ELP4: variants seen among roughly 807,000 people sequenced by gnomAD.
ELP4 encodes elongator complex protein 4.
In ELP4, 51 loss-of-function variants were observed where a neutral mutation model predicts 48.9. That is an observed-to-expected ratio of 1.04 (90% CI 0.83 to 1.32). The LOEUF (loss-of-function observed/expected upper bound fraction) is 1.32, where lower values mean the gene tolerates loss of function less well. Among genes scored for constraint, ELP4 ranks in the 40% most tolerant of loss-of-function variants. ELP4 has a pLI of 0.00. For missense variants in ELP4, 519 were observed against 514.6 expected (o/e 1.01, Z -0.08); for synonymous variants, 210 against 189.2 (o/e 1.11, Z -0.90).
intron 2 of ELP4, among the ~76,000 whole-genome samples, chr11:31,526,276 T>TA (rs1956293128): frequency 6.6e-6 from 1 of 152,126 alleles, no homozygotes; most frequent in African/African-American, 2.4e-5. Context: ...TAACTTATCT[T>TA]AAAAATCCCT....
chr11:31,604,680 C>T (rs1339899677), intron 5 of ELP4, among the ~76,000 whole-genome samples: 1 of 151,808 alleles, frequency 6.6e-6, no homozygotes, highest in African/African-American at 2.4e-5. Context: ...ATTTAATAGG[C>T]AAGGCGTTGT....
intron 6 of ELP4, among the ~76,000 whole-genome samples, chr11:31,629,765 T>C (rs1449078552): frequency 1.5e-4 from 3 of 19,400 alleles, no homozygotes; most frequent in African/African-American, 2.5e-4. Context: ...ACTATCTAGA[T>C]TTTTTTTTTT....
chr11:31,774,732 G>A (rs1179465170), intron 9 of ELP4, among the ~76,000 whole-genome samples: 4 of 152,192 alleles, frequency 2.6e-5, no homozygotes, highest in Non-Finnish European at 5.9e-5. Context: ...CTATCTTCAA[G>A]CCACTAAGCC....
chr11:31,735,711 A>T (rs1200715504), intron 9 of ELP4, among the ~76,000 whole-genome samples: 1 of 152,168 alleles, frequency 6.6e-6, no homozygotes, highest in Non-Finnish European at 1.5e-5. Flanking sequence ...ATCATGAGTG[A>T]ACTCCCATTC....
chr11:31,566,155 C>T (rs557435461), intron 3 of ELP4, among the ~76,000 whole-genome samples: 7 of 151,978 alleles, frequency 4.6e-5, no homozygotes, highest in African/African-American at 1.2e-4. Flanking sequence ...CTCAGGAGTT[C>T]GAGACCAGCC....
Position 31,627,112 on chromosome 11 carries a change from C to G in ELP4, c.656C>G (p.Ser219Cys). ...ISSTLKVEPC[S>C]LTPGYTKLLQ... ...TGAACCACTTCTTTTACCAACAGTTCTTTGACCCCTGGCTACACAAAGCTG... is the reference window on the plus strand; with the variant it reads ...TGAACCACTTCTTTTACCAACAGTTGTTTGACCCCTGGCTACACAAAGCTG... Residue 219 changes from serine (S) to cysteine (C), a missense_variant and splice_region_variant, in exon 6 of 10, where the codon TCT becomes TGT. Ser to Cys is a moderately radical substitution (Grantham distance 112). Coordinates refer to ENST00000640961, the MANE Select transcript of ELP4 (RefSeq NM_019040.5). The G allele has an allele frequency of 6.2e-7, 1 of 1,603,326 alleles. No homozygotes were observed. Among genetic ancestry groups the G allele is most frequent in the Non-Finnish European group, 8.5e-7 (1 of 1,172,320 alleles).
chr11:31,710,763 T>C (rs944931784), intron 9 of ELP4, among the ~76,000 whole-genome samples: 1 of 152,056 alleles, frequency 6.6e-6, no homozygotes, highest in Non-Finnish European at 1.5e-5. Context: ...ATGAGAAGAA[T>C]AAGACACAGA....
intron 9 of ELP4, among the ~76,000 whole-genome samples, chr11:31,701,178 T>A (rs1946515178): frequency 6.6e-6 from 1 of 152,180 alleles, no homozygotes; most frequent in Non-Finnish European, 1.5e-5. Context: ...TGCATATATT[T>A]AAGGACTTCA....
intron 9 of ELP4, among the ~76,000 whole-genome samples, chr11:31,693,650 G>A (rs1946330634): frequency 6.6e-6 from 1 of 152,204 alleles, no homozygotes; most frequent in South Asian, 2.1e-4. Context: ...ATAGCAGCAT[G>A]ATTTGTAATC....
chr11:31,614,016 A>G (rs1302734246), intron 5 of ELP4, among the ~76,000 whole-genome samples: 1 of 152,100 alleles, frequency 6.6e-6, no homozygotes, highest in Non-Finnish European at 1.5e-5. Flanking sequence ...TGGCCTGAAC[A>G]CTTGAGTCAT....
chr11:31,534,049 G>C (rs1956456403), intron 2 of ELP4, among the ~76,000 whole-genome samples: 1 of 151,822 alleles, frequency 6.6e-6, no homozygotes, highest in African/African-American at 2.4e-5. Context: ...TGTTAGCCAG[G>C]ATGGTCTCGA....
At chr11:31,713,094 C>T (rs996394355) in intron 9 of ELP4, among the ~76,000 whole-genome samples, 2 of 152,086 alleles carry the variant, frequency 1.3e-5, no homozygotes, top group Non-Finnish European at 2.9e-5. Flanking sequence ...TCAGTCAGTG[C>T]CAGTATTTGC....
chr11:31,679,281 C>CGGTA (rs760744406), intron 9 of ELP4, among the ~76,000 whole-genome samples: 5 of 152,024 alleles, frequency 3.3e-5, no homozygotes, highest in Non-Finnish European at 7.4e-5. Flanking sequence ...AAGACTATAC[C>CGGTA]ACATGTCTTG....
intron 9 of ELP4, among the ~76,000 whole-genome samples, chr11:31,772,985 C>T (rs76473700): frequency 0.022 from 3,278 of 152,346 alleles, 113 homozygotes; most frequent in African/African-American, 0.074. Context: ...GCATATCCCT[C>T]TAGGAAGTTT....
At chr11:31,667,569 A>G (rs1945707313) in intron 9 of ELP4, among the ~76,000 whole-genome samples, 1 of 152,204 alleles carries the variant, frequency 6.6e-6, no homozygotes. Context: ...TTTAACTAAT[A>G]GTTACCAGTG....
At chr11:31,752,142 C>G (rs1947735220) in intron 9 of ELP4, among the ~76,000 whole-genome samples, 1 of 152,070 alleles carries the variant, frequency 6.6e-6, no homozygotes, top group African/African-American at 2.4e-5. Flanking sequence ...TGGAATTTGG[C>G]AGTTTATTCA....
chr11:31,525,795 A>C (rs922303597), intron 2 of ELP4, among the ~76,000 whole-genome samples: 1 of 152,126 alleles, frequency 6.6e-6, no homozygotes, highest in Non-Finnish European at 1.5e-5. Flanking sequence ...GTTTAACTTT[A>C]TGGCCAGCCA....
intron 9 of ELP4, among the ~76,000 whole-genome samples, chr11:31,733,032 G>A (rs1010738853): frequency 5.3e-5 from 8 of 152,048 alleles, no homozygotes; most frequent in Non-Finnish European, 1.2e-4. Flanking sequence ...AGGAAACAGA[G>A]GACTTGAACA....
At chr11:31,707,852 C>A (rs147745630) in intron 9 of ELP4, among the ~76,000 whole-genome samples, 16 of 152,232 alleles carry the variant, frequency 1.1e-4, no homozygotes, top group African/African-American at 3.9e-4. Flanking sequence ...ATTACATGGC[C>A]TCTCTGACTT....
Sources: gnomAD v4.1 joint callset for allele counts (sites outside exome capture counted in the v4.1 genomes callset) on GRCh38, gnomAD v4.1.1 for gene constraint, MANE v1.5 for transcripts, NCBI Gene and HGNC (gene_info 2026-07-23, HGNC 2026-07-21) for gene names.